The following PTPRT variants were observed in gnomAD, a reference collection of about 807,000 sequenced individuals.
The protein encoded by PTPRT is protein tyrosine phosphatase receptor type T.
A neutral mutation model predicts 176.8 loss-of-function variants in PTPRT; 56 were observed. The observed-to-expected ratio is 0.32, with a 90% CI of 0.26 to 0.40. PTPRT has a LOEUF of 0.40. Among genes scored for constraint, PTPRT ranks in the 10% least tolerant of loss-of-function variants. The pLI is 1.00. For synonymous variants in PTPRT, 783 were observed against 739.0 expected, an observed-to-expected ratio of 1.06 and a Z score of -0.96; for missense variants, 1,540 against 1,908.2, an observed-to-expected ratio of 0.81 and a Z score of 3.60.
chr20:42,433,915 C>A (rs1440276183), intron 9 of PTPRT, among the ~76,000 whole-genome samples: 4 of 152,134 alleles, frequency 2.6e-5, no homozygotes, highest in African/African-American at 7.2e-5. Context: ...TTATCATACC[C>A]CCAAAATTAT....
chr20:42,649,323 G>A (rs1187664389), intron 7 of PTPRT, among the ~76,000 whole-genome samples: 1 of 152,060 alleles, frequency 6.6e-6, no homozygotes, highest in Non-Finnish European at 1.5e-5. Context: ...GGAAAGACCT[G>A]CCCCCACGAT....
chr20:42,235,405 C>T (rs1365181825), intron 15 of PTPRT, among the ~76,000 whole-genome samples: 11 of 152,026 alleles, frequency 7.2e-5, no homozygotes, highest in East Asian at 3.9e-4. Flanking sequence ...GGACTACAGA[C>T]GCCTGCCATC....
intron 1 of PTPRT, among the ~76,000 whole-genome samples, chr20:42,974,948 G>C (rs1049366319): frequency 6.6e-6 from 1 of 152,066 alleles, no homozygotes; most frequent in Admixed American, 6.5e-5. Flanking sequence ...TATTTCCAAG[G>C]AAGCTAAAGA....
intron 13 of PTPRT, among the ~76,000 whole-genome samples, chr20:42,277,921 C>CATCT (rs2057070377): frequency 6.6e-6 from 1 of 150,920 alleles, no homozygotes; most frequent in Non-Finnish European, 1.5e-5. Flanking sequence ...TCCATCCATC[C>CATCT]ATCCATCCAT....
intron 1 of PTPRT, among the ~76,000 whole-genome samples, chr20:43,091,495 C>CTT (rs2011861659): frequency 3.1e-5 from 2 of 65,394 alleles, no homozygotes; most frequent in Non-Finnish European, 7.2e-5. Flanking sequence ...CTCTCTATTT[C>CTT]TCTCTCTCTC....
At chr20:42,946,223 G>T (rs547161720) in intron 1 of PTPRT, among the ~76,000 whole-genome samples, 5 of 152,138 alleles carry the variant, frequency 3.3e-5, no homozygotes, top group Admixed American at 3.3e-4. Context: ...TCTGCAACAG[G>T]TGGGCAATCC....
intron 1 of PTPRT, among the ~76,000 whole-genome samples, chr20:42,907,623 A>G (rs2079495222): frequency 6.6e-6 from 1 of 152,220 alleles, no homozygotes; most frequent in South Asian, 2.1e-4. Flanking sequence ...AGTATCCGCC[A>G]GCTGGCATGT....
chr20:42,653,306 A>T (rs1405482023), intron 7 of PTPRT, among the ~76,000 whole-genome samples: 1 of 152,130 alleles, frequency 6.6e-6, no homozygotes. Flanking sequence ...GTCCTGCAAA[A>T]CTGTGAGTCA....
At position 42,571,765 on chromosome 20, in the gene PTPRT, C is replaced by G. The variant is rs992227283; in HGVS notation, c.1154-99203G>C. ...GAAGAGGACCCCAACCCCCACTGCC[C>G]CGGGGCAGTCATTCACTTCTTTCCA... On this transcript the variant is annotated intron_variant, in intron 7 of 30. Coordinates refer to ENST00000373187, the MANE Select transcript of PTPRT (RefSeq NM_007050.6). Among the ~76,000 whole-genome samples, 6 of 152,116 alleles carry G rather than the reference C, an allele frequency of 3.9e-5. No homozygotes were observed. The East Asian group carries it at 1.2e-3, about 29-fold the overall frequency.
chr20:42,448,065 A>C (rs149291740), intron 9 of PTPRT, among the ~76,000 whole-genome samples, 155 bp downstream of exon 9: 1 of 152,178 alleles, frequency 6.6e-6, no homozygotes, highest in South Asian at 2.1e-4. Flanking sequence ...ACTGTGTGCC[A>C]TTATGTTTGC....
chr20:42,953,332 C>T (rs1455176830), intron 1 of PTPRT, among the ~76,000 whole-genome samples: 1 of 152,146 alleles, frequency 6.6e-6, no homozygotes, highest in Admixed American at 6.5e-5. Context: ...GACTGAGGCT[C>T]AGAGATGTTA....
At chr20:42,352,002 C>T (rs1276166882) in intron 10 of PTPRT, 82 bp downstream of exon 10, 50 of 1,385,378 alleles carry the variant, frequency 3.6e-5, no homozygotes, top group Non-Finnish European at 4.8e-5. Flanking sequence ...GGTGACAATT[C>T]AAGAAAAATT....
intron 13 of PTPRT, among the ~76,000 whole-genome samples, chr20:42,276,251 A>G (rs1402077646): frequency 1.3e-5 from 2 of 151,656 alleles, no homozygotes; most frequent in Admixed American, 1.3e-4. Flanking sequence ...ACAACAACCT[A>G]TCAATGGGAA....
At chr20:43,142,762 G>A (rs2014055741) in intron 1 of PTPRT, among the ~76,000 whole-genome samples, 1 of 152,200 alleles carries the variant, frequency 6.6e-6, no homozygotes, top group Admixed American at 6.5e-5. Flanking sequence ...CACCCAAGGG[G>A]CAGGAGAAGC....
Position 42,428,020 on chromosome 20 carries a change from C to T in PTPRT, c.1560+20200G>A, listed in dbSNP as rs1052003930. Among the ~76,000 whole-genome samples, 30 of 152,324 alleles carry T rather than the reference C, an allele frequency of 2.0e-4. 2 individuals carry two copies. Among genetic ancestry groups the T allele is most frequent in the Admixed American group, 9.8e-4 (15 of 15,304 alleles). On this transcript the variant is annotated intron_variant, in intron 9 of 30. Transcript: ENST00000373187. ...TCTGACTCTCTTTTGGGACTCAGCC[C>T]TCCTGCACCCAGGTGAAATAAACAG...
rs79708596 is a variant in PTPRT at position 42,468,277 on chromosome 20, G to C, written c.1450+3989C>G. Among the ~76,000 whole-genome samples, 1,224 of 152,284 alleles carry C rather than the reference G, an allele frequency of 8.0e-3. 11 individuals carry two copies. Among genetic ancestry groups the C allele is most frequent in the Middle Eastern group, 0.014 (4 of 294 alleles). On this transcript the variant is annotated intron_variant, in intron 8 of 30. Transcript: ENST00000373187. ...AAAGGTTGCTTGCTGGCTCCCGGAG[G>C]GGGGTTTCAGTTAATCTACTAGAGC...
chr20:42,553,116 A>G (rs1804970603), intron 7 of PTPRT, among the ~76,000 whole-genome samples: 1 of 152,178 alleles, frequency 6.6e-6, no homozygotes, highest in Admixed American at 6.5e-5. Flanking sequence ...TGAACTTGCA[A>G]TGACGCATGT....
intron 16 of PTPRT, among the ~76,000 whole-genome samples, chr20:42,176,278 T>G (rs1011420265): frequency 6.6e-6 from 1 of 152,238 alleles, no homozygotes; most frequent in Admixed American, 6.5e-5. Context: ...ATTCTTTTGG[T>G]GAGGATATCA....
chr20:42,796,970 A>G (rs934206558), intron 2 of PTPRT, among the ~76,000 whole-genome samples: 2 of 152,228 alleles, frequency 1.3e-5, no homozygotes, highest in Non-Finnish European at 2.9e-5. Context: ...ATCCATGAGG[A>G]TTAATACAAC....
Sources: allele counts gnomAD v4.1 joint callset (sites outside exome capture counted in the v4.1 genomes callset), GRCh38; gene constraint gnomAD v4.1.1; transcripts MANE v1.5; gene names NCBI Gene and HGNC (gene_info 2026-07-23, HGNC 2026-07-21).